EYS: variants seen among roughly 807,000 people sequenced by gnomAD.
EYS encodes the protein protein eyes shut homolog.
In EYS, 250 loss-of-function variants were observed where a neutral mutation model predicts 282.1. The ratio of observed to expected loss-of-function variants is 0.89; its 90% CI spans 0.80 to 0.98. The LOEUF is 0.98. Ranked by LOEUF, EYS falls within the 50% of genes least tolerant of loss-of-function variation. The probability of loss-of-function intolerance (pLI) is 0.00; values close to 1 mark genes in which losing one functional copy is unlikely to be tolerated. For missense variants in EYS, 4,016 were observed against 3,709.0 expected (o/e 1.08, Z -2.15); for synonymous variants, 1,355 against 1,282.9 (o/e 1.06, Z -1.20).
intron 32 of EYS, among the ~76,000 whole-genome samples, chr6:64,080,849 C>G (rs1771940635): frequency 6.6e-6 from 1 of 152,028 alleles, no homozygotes; most frequent in Non-Finnish European, 1.5e-5. Context: ...TCAGATTTGT[C>G]AAATATCAGA....
intron 31 of EYS, among the ~76,000 whole-genome samples, chr6:64,183,197 T>A (rs1045438248): frequency 2.0e-5 from 3 of 152,172 alleles, no homozygotes; most frequent in Non-Finnish European, 4.4e-5. Flanking sequence ...ACTATGATTG[T>A]AAGTTTCCTG....
At chr6:65,275,346 G>T (rs1160798000) in intron 12 of EYS, among the ~76,000 whole-genome samples, 1 of 152,138 alleles carries the variant, frequency 6.6e-6, no homozygotes, top group African/African-American at 2.4e-5. Flanking sequence ...TAATGAATTA[G>T]ATGTTATTAA....
chr6:64,947,565 T>C (rs1226289784), intron 14 of EYS, among the ~76,000 whole-genome samples: 1 of 151,818 alleles, frequency 6.6e-6, no homozygotes, highest in African/African-American at 2.4e-5. Flanking sequence ...GATTTTTTTT[T>C]CACATACCAT....
chr6:65,324,034 A>C (rs1163286088), intron 11 of EYS, among the ~76,000 whole-genome samples: 1 of 152,046 alleles, frequency 6.6e-6, no homozygotes, highest in African/African-American at 2.4e-5. Context: ...TTCCTACCTC[A>C]GGGCCTTTAC....
intron 33 of EYS, among the ~76,000 whole-genome samples, chr6:64,034,248 C>T (rs1265271373): frequency 6.6e-6 from 1 of 152,120 alleles, no homozygotes; most frequent in Non-Finnish European, 1.5e-5. Context: ...CTTGTTAATA[C>T]CACCACTACT....
intron 22 of EYS, among the ~76,000 whole-genome samples, chr6:64,720,110 T>C (rs138727223): frequency 5.8e-4 from 89 of 152,298 alleles, no homozygotes; most frequent in Middle Eastern, 3.4e-3. Context: ...TCAGAGGGCA[T>C]AGGGCTACTA....
At chr6:64,177,493 A>C (rs981330004) in intron 31 of EYS, among the ~76,000 whole-genome samples, 3 of 152,058 alleles carry the variant, frequency 2.0e-5, no homozygotes, top group Non-Finnish European at 4.4e-5. Context: ...TTGAAATGTC[A>C]TTAATCCCTT....
At chr6:63,935,947 C>T (rs951729904) in intron 35 of EYS, among the ~76,000 whole-genome samples, 2 of 152,114 alleles carry the variant, frequency 1.3e-5, no homozygotes, top group Non-Finnish European at 2.9e-5. Context: ...CTTGATTCAC[C>T]CTGTTCCCTC....
intron 26 of EYS, among the ~76,000 whole-genome samples, chr6:64,449,732 C>T (rs1172477672): frequency 1.3e-5 from 2 of 152,106 alleles, no homozygotes; most frequent in African/African-American, 2.4e-5. Context: ...ATTTTCAACC[C>T]AGAATTTCAT....
chr6:64,425,346 G>A (rs1053619562), intron 28 of EYS, among the ~76,000 whole-genome samples: 15 of 152,108 alleles, frequency 9.9e-5, no homozygotes, highest in African/African-American at 2.9e-4. Context: ...AGAACTGCCA[G>A]AGCCCAAATA....
intron 23 of EYS, among the ~76,000 whole-genome samples, chr6:64,621,479 A>T (rs956553098): frequency 3.9e-5 from 6 of 152,138 alleles, no homozygotes; most frequent in Non-Finnish European, 5.9e-5. Context: ...TATGTAAAAA[A>T]ATTTTACATG....
intron 1 of EYS, among the ~76,000 whole-genome samples, chr6:65,675,431 T>C (rs9453360): frequency 0.22 from 33,945 of 151,740 alleles, 4,594 homozygotes; most frequent in African/African-American, 0.39. Flanking sequence ...AAAAAAGATA[T>C]TATGTGTAAG....
At chr6:64,929,198 G>T (rs1172624075) in intron 15 of EYS, among the ~76,000 whole-genome samples, 1 of 152,046 alleles carries the variant, frequency 6.6e-6, no homozygotes, top group Non-Finnish European at 1.5e-5. Context: ...CCTCACACAG[G>T]AAGAAAACTA....
chr6:64,376,912 T>G (rs575806624), intron 29 of EYS, among the ~76,000 whole-genome samples: 2 of 152,140 alleles, frequency 1.3e-5, no homozygotes, highest in Non-Finnish European at 2.9e-5. Context: ...CTGGCTGATA[T>G]CCTTGACTAC....
chr6:64,791,177 C>T (rs189320271), intron 22 of EYS, among the ~76,000 whole-genome samples: 10 of 151,810 alleles, frequency 6.6e-5, no homozygotes, highest in African/African-American at 2.4e-4. Context: ...TCCATTTTAG[C>T]CTCAGATCAG....
chr6:64,118,659 G>A (rs1036916684), intron 31 of EYS, among the ~76,000 whole-genome samples: 3 of 151,940 alleles, frequency 2.0e-5, no homozygotes, highest in African/African-American at 4.8e-5. Flanking sequence ...CAAAAGCACA[G>A]GCAACAAAAG....
intron 30 of EYS, among the ~76,000 whole-genome samples, chr6:64,305,635 G>A (rs75702215): frequency 0.031 from 4,742 of 152,246 alleles, 233 homozygotes; most frequent in African/African-American, 0.11. Flanking sequence ...GGGAAGAATG[G>A]TCTGGTCTTG....
intron 2 of EYS, among the ~76,000 whole-genome samples, chr6:65,505,318 T>A (rs1429720851): frequency 6.6e-6 from 1 of 151,894 alleles, no homozygotes; most frequent in Non-Finnish European, 1.5e-5. Context: ...TTAGCCTGAC[T>A]AGAGTCTTTA....
chr6:64,526,122 T>C (rs1321729350), intron 26 of EYS, among the ~76,000 whole-genome samples: 2 of 151,802 alleles, frequency 1.3e-5, no homozygotes, highest in Non-Finnish European at 2.9e-5. Context: ...TTATATACTG[T>C]TTTTGAAATT....
Sources: allele counts gnomAD v4.1 joint callset (sites outside exome capture counted in the v4.1 genomes callset), GRCh38; gene constraint gnomAD v4.1.1; transcripts MANE v1.5; gene names NCBI Gene and HGNC (gene_info 2026-07-23, HGNC 2026-07-21).